Variants in SLC5A12 observed in about 807,000 individuals in gnomAD.
SLC5A12 encodes the protein solute carrier family 5 member 12, also known as sodium-coupled monocarboxylate transporter 2.
In SLC5A12, 46 loss-of-function variants were observed where a neutral mutation model predicts 72.7. The ratio of observed to expected loss-of-function variants is 0.63; its 90% CI spans 0.50 to 0.81. SLC5A12 has a LOEUF of 0.81. SLC5A12 is among the 30% of genes least tolerant of loss of function. SLC5A12 has a pLI of 0.00. For synonymous variants in SLC5A12, 275 were observed against 264.4 expected (o/e 1.04, Z -0.39); for missense variants, 683 against 740.7 (o/e 0.92, Z 0.90).
At chr11:26,708,536 C>T (rs1045367410) in intron 4 of SLC5A12, among the ~76,000 whole-genome samples, 2 of 151,936 alleles carry the variant, frequency 1.3e-5, no homozygotes, top group African/African-American at 4.8e-5. Context: ...GAATCATCTG[C>T]TATATGAAAA....
chr11:26,681,190 G>T lies in SLC5A12; in HGVS notation c.1340C>A (p.Thr447Asn), dbSNP rs1854404190. The change falls in exon 12 of 15, where the codon ACC (threonine) becomes AAC (asparagine). Residue 447 changes from threonine to asparagine, a missense_variant. Physicochemically the swap from Thr to Asn is moderately conservative, Grantham distance 65. Transcript: ENST00000396005. ...CCCAATGGCCACCCAAAATGACAAG[G>T]TGATTCCAGTAAGAAGACCTCCTAG... ...GALGGLLTGI[T>N]LSFWVAIGAF... The T allele has an allele frequency of 4.4e-6, 7 of 1,607,354 alleles. No individual in the cohort carries two copies. The highest frequency in any genetic ancestry group is 5.9e-6 in the Non-Finnish European group (7 of 1,177,126).
At chr11:26,676,127 G>A (rs566572355) in intron 13 of SLC5A12, among the ~76,000 whole-genome samples, 14 of 152,198 alleles carry the variant, frequency 9.2e-5, no homozygotes, top group African/African-American at 1.9e-4. Flanking sequence ...GTCTCTCATC[G>A]TTATACAGAG....
chr11:26,683,424 G>C (rs1224428087), intron 11 of SLC5A12, among the ~76,000 whole-genome samples: 1 of 152,110 alleles, frequency 6.6e-6, no homozygotes, highest in East Asian at 1.9e-4. Flanking sequence ...TTTCAAAATT[G>C]TGTTTCAACA....
At chr11:26,672,942 C>G (rs1854177781) in intron 14 of SLC5A12, among the ~76,000 whole-genome samples, 1 of 152,068 alleles carries the variant, frequency 6.6e-6, no homozygotes, top group South Asian at 2.1e-4. Flanking sequence ...ATAATACCCC[C>G]CTTACTCATC....
chr11:26,717,983 C>T (rs1331352323), intron 1 of SLC5A12, among the ~76,000 whole-genome samples: 1 of 152,188 alleles, frequency 6.6e-6, no homozygotes, highest in Non-Finnish European at 1.5e-5. Flanking sequence ...TCCAAGCTCA[C>T]AGAACATCAC....
At chr11:26,712,770 T>G in intron 1 of SLC5A12, 64 bp from the exon 2 acceptor site, 3 of 1,248,544 alleles carry the variant, frequency 2.4e-6, no homozygotes, top group South Asian at 1.4e-5. Flanking sequence ...AAGAAAGTCC[T>G]TTTTATCTTG....
intron 14 of SLC5A12, among the ~76,000 whole-genome samples, chr11:26,672,577 C>T (rs1025381228): frequency 6.6e-6 from 1 of 152,054 alleles, no homozygotes; most frequent in Non-Finnish European, 1.5e-5. Context: ...TTTAAGAATC[C>T]TTCAGTGGGA....
In SLC5A12 at chr11:26,703,652, T is replaced by C; in HGVS notation, c.700A>G (p.Arg234Gly). 1 of 1,613,844 alleles carries C rather than the reference T, an allele frequency of 6.2e-7. No individual in the cohort carries two copies. Among genetic ancestry groups the C allele is most frequent in the South Asian group, 1.1e-5 (1 of 91,076 alleles). Residue 234 changes from arginine (R) to glycine (G), a missense_variant, in exon 6 of 15, where the codon AGG becomes GGG. Physicochemically the swap from Arg to Gly is moderately radical, Grantham distance 125. Transcript: ENST00000396005. ...GTGATAGTCCAAAAAGTGTGTCGCC[T>C]GAGAGGATCTACATCAAAGCTATGA... ...HIFDFDVDPLRRHTFWTITVG... is the reference protein window; with the variant it reads ...HIFDFDVDPLGRHTFWTITVG...
chr11:26,717,351 A>C (rs1192389082), intron 1 of SLC5A12, among the ~76,000 whole-genome samples: 1 of 152,206 alleles, frequency 6.6e-6, no homozygotes, highest in Non-Finnish European at 1.5e-5. Flanking sequence ...CCTATAAGCC[A>C]ATATTAAATT....
intron 3 of SLC5A12, among the ~76,000 whole-genome samples, 195 bp downstream of exon 3, chr11:26,711,112 C>A (rs563809832): frequency 6.6e-6 from 1 of 152,058 alleles, no homozygotes; most frequent in East Asian, 1.9e-4. Flanking sequence ...GAGTCAAAAC[C>A]AAGTAACTAA....
intron 10 of SLC5A12, 64 bp from the exon 11 acceptor site, chr11:26,683,907 A>AGG: frequency 7.6e-7 from 1 of 1,307,648 alleles, no homozygotes; most frequent in Admixed American, 2.0e-5. Context: ...TCCTGGCATC[A>AGG]TACCTCTCTT....
In SLC5A12 at chr11:26,669,886, A is replaced by G. The variant is rs1854098692; in HGVS notation, c.*1216T>C. 1 of 151,934 alleles carries G rather than the reference A, an allele frequency of 6.6e-6. No homozygotes were observed. Among genetic ancestry groups the G allele is most frequent in the African/African-American group, 2.4e-5 (1 of 41,366 alleles). The allele number at this position is 151,934 out of a possible 1,614,324, so 9.4% of individuals were successfully genotyped here. A position where few individuals can be genotyped will look rare whatever the true frequency, so the allele number is the denominator to read the frequency against. On this transcript the variant is annotated 3_prime_UTR_variant, in exon 15 of 15. Coordinates refer to ENST00000396005, the MANE Select transcript of SLC5A12 (RefSeq NM_178498.4). ...TATCTGACACCTGTCCTAATATATG[A>G]CTCTCAGATACAACTTTGTTTCTTA...
intron 13 of SLC5A12, among the ~76,000 whole-genome samples, chr11:26,673,901 A>G (rs1334417011): frequency 6.6e-6 from 1 of 152,160 alleles, no homozygotes; most frequent in Non-Finnish European, 1.5e-5. Context: ...ATATATTAAT[A>G]TTTGAGATCA....
chr11:26,674,671 G>A (rs1368760460), intron 13 of SLC5A12, among the ~76,000 whole-genome samples: 2 of 152,126 alleles, frequency 1.3e-5, no homozygotes, highest in African/African-American at 2.4e-5. Context: ...CCAAAGTGCT[G>A]TGATTATAGA....
At chr11:26,674,883 C>A (rs889527262) in intron 13 of SLC5A12, among the ~76,000 whole-genome samples, 5 of 152,126 alleles carry the variant, frequency 3.3e-5, no homozygotes, top group African/African-American at 9.7e-5. Flanking sequence ...TCACTAATCC[C>A]TATAAATAGG....
chr11:26,690,364 T>G (rs1854637959), intron 9 of SLC5A12, among the ~76,000 whole-genome samples: 1 of 151,992 alleles, frequency 6.6e-6, no homozygotes, highest in African/African-American at 2.4e-5. Flanking sequence ...TAAAACAAGA[T>G]GGTACACTCT....
In SLC5A12 at chr11:26,670,484, T is replaced by C. The variant is rs1333576375; in HGVS notation, c.*618A>G. On this transcript the variant is annotated 3_prime_UTR_variant, in exon 15 of 15. Coordinates refer to ENST00000396005, the MANE Select transcript of SLC5A12 (RefSeq NM_178498.4). ...TCTTCTTCTGTATTTAGCTGAATTT[T>C]TTTTTTAATGTTTGGTCAGGACAGC... The C allele has an allele frequency of 2.0e-5, 3 of 150,190 alleles. No individual in the cohort carries two copies. Among genetic ancestry groups the C allele is most frequent in the Admixed American group, 6.7e-5 (1 of 15,002 alleles). The allele number at this position is 150,190 out of a possible 1,614,324, so 9.3% of individuals were successfully genotyped here.
chr11:26,701,736 C>T (rs941657444), intron 6 of SLC5A12, among the ~76,000 whole-genome samples: 9 of 152,012 alleles, frequency 5.9e-5, no homozygotes, highest in Non-Finnish European at 1.5e-5. Flanking sequence ...GTTTCATTTA[C>T]ATATATATTA....
At chr11:26,676,076 A>T (rs926017272) in intron 13 of SLC5A12, among the ~76,000 whole-genome samples, 20 of 152,098 alleles carry the variant, frequency 1.3e-4, no homozygotes, top group African/African-American at 4.6e-4. Flanking sequence ...ATGGTATCAG[A>T]TTTCACCACA....
Sources: allele counts gnomAD v4.1 joint callset (sites outside exome capture counted in the v4.1 genomes callset), GRCh38; gene constraint gnomAD v4.1.1; transcripts MANE v1.5; gene names NCBI Gene and HGNC (gene_info 2026-07-23, HGNC 2026-07-21).